FLNC: variants seen among roughly 807,000 people sequenced by gnomAD.
FLNC encodes filamin-C.
In FLNC, 91 loss-of-function variants were observed where a neutral mutation model predicts 254.3. That is an observed-to-expected ratio of 0.36 (90% CI 0.30 to 0.43). The LOEUF is 0.43. Among genes scored for constraint, FLNC ranks in the 20% least tolerant of loss-of-function variants. FLNC has a pLI of 1.00. For missense variants in FLNC, 2,853 were observed against 3,802.6 expected, an observed-to-expected ratio of 0.75 and a Z score of 6.57; for synonymous variants, 1,430 against 1,577.2, an observed-to-expected ratio of 0.91 and a Z score of 2.21.
chr7:128,853,839 T>G lies in FLNC; in HGVS notation c.6484+2T>G. On this transcript the variant is annotated splice_donor_variant, in intron 39 of 47. Transcript: ENST00000325888. LOFTEE classifies it high-confidence loss of function. ...GTGACCTCAACCTCAAGATCCCAGG[T>G]AGAAGCCTGGAGGACCCTGGGTGGG... 6.2e-7 allele frequency: 1 copy of G among 1,613,222 alleles called. No individual in the cohort carries two copies. The highest frequency in any genetic ancestry group is 1.1e-5 in the South Asian group (1 of 91,084).
rs1317108204 is a variant in FLNC at position 128,858,024 on chromosome 7, A to G, written c.7797A>G (p.Gly2599=). 2 of 1,538,576 alleles carry G rather than the reference A, an allele frequency of 1.3e-6. No individual in the cohort carries two copies. Among genetic ancestry groups the G allele is most frequent in the Non-Finnish European group, 1.8e-6 (2 of 1,123,210 alleles). The change falls in exon 47 of 48, where the codon GGA becomes GGG. Residue 2599 remains glycine, a synonymous_variant. Coordinates refer to ENST00000325888, the MANE Select transcript of FLNC (RefSeq NM_001458.5). This position sits in a 1 kb window ranked among gnomAD's most constrained non-coding sequence, Gnocchi z 6.7. ...ACCCCTCAGGTCCGAGGCTGTCCGG[A>G]GGCCACAGCCTTCACGAAACATCCA... The part of the protein sequence containing the change: ...KAKVTGPRLS[G]GHSLHETSTV...
At chr7:128,850,994 T>C (rs2128938283) in intron 33 of FLNC, 51 bp downstream of exon 33, 3 of 1,595,626 alleles carry the variant, frequency 1.9e-6, no homozygotes, top group Non-Finnish European at 1.7e-6. Flanking sequence ...GAGCAGGCCG[T>C]AGCTTCAGTC....
rs567595947 is a variant in FLNC, at chr7:128,852,620, A to T, written c.5872A>T (p.Asn1958Tyr). Residue 1958 changes from asparagine to tyrosine, a missense_variant, in exon 36 of 48, where the codon AAT (asparagine) becomes TAT (tyrosine). Around this residue, in one of 10 missense-constraint regions of FLNC, gnomAD observed 551 missense variants for 835.0 expected, o/e 0.66. Transcript: ENST00000325888. ...GDDSMRTSQLNVGTSTDVSLK... is the reference protein window; with the variant it reads ...GDDSMRTSQLYVGTSTDVSLK... ...TGACTCCATGAGGACCTCACAGCTG[A>T]ATGTGGGCACCTCCACGGACGTGTC... is the stretch of plus-strand genomic sequence containing the variant. The T allele has an allele frequency of 1.2e-6, 2 of 1,613,292 alleles. No individual in the cohort carries two copies. The highest frequency in any genetic ancestry group is 2.7e-5 in the African/African-American group (2 of 75,042).
intron 1 of FLNC, among the ~76,000 whole-genome samples, chr7:128,833,337 C>T (rs573693930): frequency 8.5e-5 from 13 of 152,370 alleles, no homozygotes; most frequent in Non-Finnish European, 1.6e-4. Flanking sequence ...GGGGTGGCCT[C>T]GGGAACTAGC....
chr7:128,848,157 T>A, intron 26 of FLNC, 89 bp downstream of exon 26: 1 of 1,459,914 alleles, frequency 6.8e-7, no homozygotes, highest in Non-Finnish European at 9.4e-7. Flanking sequence ...TGGAGTCCCC[T>A]GGGAGAGCCT....
rs760318519 is a variant in FLNC, at chr7:128,830,674, G to C, written c.37G>C (p.Gly13Arg). 6.2e-7 allele frequency: 1 copy of C among 1,612,654 alleles called. No homozygotes were observed. The highest frequency in any genetic ancestry group is 8.5e-7 in the Non-Finnish European group (1 of 1,179,938). The change falls in exon 1 of 48, where the codon GGC becomes CGC. Residue 13 changes from glycine to arginine, a missense_variant. Around this residue, in one of 10 missense-constraint regions of FLNC, gnomAD observed 37 missense variants for 32.7 expected, o/e 1.13. Coordinates refer to ENST00000325888, the MANE Select transcript of FLNC (RefSeq NM_001458.5). Reference protein sequence around the residue: ...NNSGYSDAGLGLGDETDEMPS... With the variant: ...NNSGYSDAGLRLGDETDEMPS... ...CAGCGGCTACTCAGACGCCGGCCTCGGCCTGGGCGATGAGACAGACGAGAT... is the reference window on the plus strand; with the variant it reads ...CAGCGGCTACTCAGACGCCGGCCTCCGCCTGGGCGATGAGACAGACGAGAT...
rs766671322 is a variant in FLNC at position 128,847,707 on chromosome 7, C to T, written c.4299C>T (p.Phe1433=). 5 of 1,613,922 alleles carry T rather than the reference C, an allele frequency of 3.1e-6. No homozygotes were observed. The highest frequency in any genetic ancestry group is 1.3e-5 in the African/African-American group (1 of 74,928). Residue 1433 remains phenylalanine, a synonymous_variant, in exon 25 of 48, where the codon TTC becomes TTT. Coordinates refer to ENST00000325888, the MANE Select transcript of FLNC (RefSeq NM_001458.5). ...FGGRPIPGSP[F]RVPVKDVVDP... is the part of the protein sequence containing the mutation. ...TCCTTCTCCTCACAGGGAGCCCGTT[C>T]CGCGTGCCAGTGAAGGATGTGGTGG...
In FLNC at chr7:128,846,260, G is replaced by A. The variant is rs765009565; in HGVS notation, c.3965-41G>A. On this transcript the variant is annotated intron_variant, in intron 22 of 47. Transcript: ENST00000325888. The stretch of plus-strand genomic sequence containing the variant: ...CCTCGGGGCAGGAGGGGTGGTGGGG[G>A]CGCACACTCCCTGATTGATGCCCCT... The A allele has an allele frequency of 9.3e-6, 15 of 1,612,764 alleles. No individual in the cohort carries two copies. In the Admixed American group the frequency reaches 1.0e-4, roughly 11 times the overall value.
chr7:128,846,397 G>T lies in FLNC; in HGVS notation c.4061G>T (p.Arg1354Leu). 2.5e-6 allele frequency: 4 copies of T among 1,610,228 alleles called. No homozygotes were observed. Among genetic ancestry groups the T allele is most frequent in the Non-Finnish European group, 3.4e-6 (4 of 1,180,016 alleles). Residue 1354 changes from arginine to leucine, a missense_variant, in exon 23 of 48, where the codon CGA (arginine) becomes CTA (leucine). Arg to Leu is a moderately radical substitution (Grantham distance 102). Around this residue, in one of 10 missense-constraint regions of FLNC, gnomAD observed 1,573 missense variants for 1,883.5 expected, o/e 0.84. Transcript: ENST00000325888. ...VTEGCDPTRV[R>L]AFGPGLEGGL... ...GAGGGCTGTGATCCCACCCGCGTCC[G>T]AGCCTTCGGGCCAGGCCTGGAGGGT... is the stretch of plus-strand genomic sequence containing the variant.
rs1020768053 is a variant in FLNC at position 128,853,968 on chromosome 7, A to G, written c.6485-6A>G. 8 of 1,613,098 alleles carry G rather than the reference A, an allele frequency of 5.0e-6. No homozygotes were observed. Among genetic ancestry groups the G allele is most frequent in the Non-Finnish European group, 6.8e-6 (8 of 1,179,998 alleles). On this transcript the variant is annotated splice_polypyrimidine_tract_variant and splice_region_variant and intron_variant, in intron 39 of 47. Transcript: ENST00000325888. ...CTCCCTCACCCTGGCTCCCTTGACC[A>G]CACAGGAAACTGGTTCCAGATGGTG...
chr7:128,851,678 T>C (rs760891076), intron 35 of FLNC, 50 bp downstream of exon 35: 2 of 1,591,552 alleles, frequency 1.3e-6, no homozygotes, highest in South Asian at 2.2e-5. Context: ...ACACACCGCA[T>C]ACAGTGCACT....
At position 128,854,520 on chromosome 7, in the gene FLNC, G is replaced by A. The variant is rs1396839810; in HGVS notation, c.6835G>A (p.Val2279Met). 2 of 1,605,990 alleles carry A rather than the reference G, an allele frequency of 1.2e-6. No homozygotes were observed. Among genetic ancestry groups the A allele is most frequent in the Admixed American group, 1.7e-5 (1 of 58,460 alleles). Residue 2279 changes from valine (V) to methionine (M), a missense_variant, in exon 41 of 48, where the codon GTG becomes ATG. Coordinates refer to ENST00000325888, the MANE Select transcript of FLNC (RefSeq NM_001458.5). ...GEDSAYSVRF[V>M]PQEMGPHTVA... ...GGACAGCGCCTACAGCGTGCGCTTT[G>A]TGCCCCAGGAAATGGGGCCCCATAC...
rs568452175 is a variant in FLNC, at chr7:128,843,863, T to C, written c.2879T>C (p.Val960Ala). The C allele has an allele frequency of 3.1e-6, 5 of 1,614,026 alleles. No individual in the cohort carries two copies. Among genetic ancestry groups the C allele is most frequent in the Middle Eastern group, 1.6e-4 (1 of 6,062 alleles). ...CCCAAGAGCCCCTTTGTGGTGAATG[T>C]GGCACCCCCGCTGGACCTCAGCAAA... ...PVPKSPFVVN[V>A]APPLDLSKIK... is the part of the protein sequence containing the mutation. Residue 960 changes from valine to alanine, a missense_variant, in exon 19 of 48, where the codon GTG becomes GCG. By Grantham distance (64) the Val-to-Ala change is moderately conservative. Transcript: ENST00000325888.
chr7:128,848,745 G>A, intron 27 of FLNC, 28 bp downstream of exon 27: 1 of 1,614,070 alleles, frequency 6.2e-7, no homozygotes, highest in Non-Finnish European at 8.5e-7. Flanking sequence ...CCACCCCGCA[G>A]GTCATGCTCC....
Position 128,844,122 on chromosome 7 carries a change from G to A in FLNC, c.3048G>A (p.Glu1016=). Reference sequence around the variant, plus strand: ...GCCGGCCCATCCCCTGCAAGCTGGAGCCAGGCGGTGGAGCGGAAGCCCAGG... The same window carrying A: ...GCCGGCCCATCCCCTGCAAGCTGGAACCAGGCGGTGGAGCGGAAGCCCAGG... The part of the protein sequence containing the change: ...PSRRPIPCKL[E]PGGGAEAQAV... Residue 1016 remains glutamate, a synonymous_variant, in exon 20 of 48, where the codon GAG becomes GAA. Transcript: ENST00000325888. 7 of 1,613,976 alleles carry A rather than the reference G, an allele frequency of 4.3e-6. No individual in the cohort carries two copies. The highest frequency in any genetic ancestry group is 5.1e-6 in the Non-Finnish European group (6 of 1,180,048).
intron 9 of FLNC, 91 bp from the exon 10 acceptor site, chr7:128,840,457 G>A (rs374482438): frequency 7.9e-5 from 125 of 1,580,628 alleles, no homozygotes; most frequent in African/African-American, 1.1e-4. Context: ...GGGCTGGGTC[G>A]GGGTCCCAAT....
intron 26 of FLNC, 125 bp from the exon 27 acceptor site, chr7:128,848,436 C>T (rs1435356185): frequency 5.6e-6 from 6 of 1,062,998 alleles, no homozygotes; most frequent in Non-Finnish European, 8.7e-6. Flanking sequence ...CTGGTCCCTC[C>T]TCCCTGCCCC....
chr7:128,846,110 T>C lies in FLNC; in HGVS notation c.3911T>C (p.Val1304Ala), dbSNP rs377011299. The C allele has an allele frequency of 1.2e-6, 2 of 1,613,610 alleles. No homozygotes were observed. Among genetic ancestry groups the C allele is most frequent in the Non-Finnish European group, 8.5e-7 (1 of 1,179,910 alleles). The change falls in exon 22 of 48, where the codon GTG (valine) becomes GCG (alanine). Residue 1304 changes from valine (V) to alanine (A), a missense_variant. Physicochemically the swap from Val to Ala is moderately conservative, Grantham distance 64 (BLOSUM62 0). Around this residue, in one of 10 missense-constraint regions of FLNC, gnomAD observed 1,573 missense variants for 1,883.5 expected, o/e 0.84. Transcript: ENST00000325888. The stretch of plus-strand genomic sequence containing the variant: ...TCGGGGGCCAAGACAGACACCTATG[T>C]GACAGACAATGGGGACGGCACCTAC... ...NPSGAKTDTY[V>A]TDNGDGTYRV... is the part of the protein sequence containing the mutation.
chr7:128,841,972 C>T lies in FLNC; in HGVS notation c.2122-259C>T, dbSNP rs893604486. 6.6e-6 allele frequency among the ~76,000 whole-genome samples: 1 copy of T among 152,208 alleles called. No homozygotes were observed. Among genetic ancestry groups the T allele is most frequent in the Admixed American group, 6.5e-5 (1 of 15,286 alleles). On this transcript the variant is annotated intron_variant, in intron 13 of 47. Transcript: ENST00000325888. The surrounding 1 kb of genome is among the most constrained non-coding windows in gnomAD (Gnocchi z 4.3). ...TAGGAACATAAATTTAGCCCACACTCTTCCTGTCCAACACATTTCAGAGTT... is the reference window on the plus strand; with the variant it reads ...TAGGAACATAAATTTAGCCCACACTTTTCCTGTCCAACACATTTCAGAGTT...
Sources: allele counts gnomAD v4.1 joint callset (sites outside exome capture counted in the v4.1 genomes callset), GRCh38; gene constraint gnomAD v4.1.1; regional missense constraint gnomAD v4.1.1; non-coding constraint Gnocchi (gnomAD v3.1); transcripts MANE v1.5; gene names NCBI Gene and HGNC (gene_info 2026-07-23, HGNC 2026-07-21).